STIM1: variants seen among roughly 807,000 people sequenced by gnomAD.
STIM1 encodes stromal interaction molecule 1.
A neutral mutation model predicts 74.7 loss-of-function variants in STIM1; 25 were observed. The observed-to-expected ratio is 0.33, with a 90% confidence interval of 0.24 to 0.47. The LOEUF (loss-of-function observed/expected upper bound fraction) is 0.47. STIM1 is among the 20% of genes least tolerant of loss of function. The pLI, the probability that STIM1 is intolerant of heterozygous loss-of-function variation, is 1.00. For missense variants in STIM1, 728 were observed against 920.8 expected (o/e 0.79, Z 2.71); for synonymous variants, 328 against 348.8 (o/e 0.94, Z 0.66).
At chr11:4,057,458 G>A (rs2094298739) in intron 4 of STIM1, among the ~76,000 whole-genome samples, 1 of 152,160 alleles carries the variant, frequency 6.6e-6, no homozygotes, top group African/African-American at 2.4e-5. Context: ...CCCATCACTA[G>A]CTCACATGGT....
intron 1 of STIM1, among the ~76,000 whole-genome samples, chr11:3,954,885 G>C (rs764162633): frequency 2.6e-5 from 4 of 152,178 alleles, no homozygotes; most frequent in Non-Finnish European, 5.9e-5. Context: ...AAATGCATCA[G>C]TTCCACCCTA....
Position 4,083,018 on chromosome 11 carries a change from A to G in STIM1, c.1238+36A>G, listed in dbSNP as rs756033597. 1.1e-5 allele frequency: 17 copies of G among 1,573,506 alleles called. 1 individual carries two copies. The Admixed American group carries it at 1.7e-4, about 15-fold the overall frequency. On this transcript the variant is annotated intron_variant, in intron 9 of 12. Coordinates refer to ENST00000526596, the MANE Select transcript of STIM1 (RefSeq NM_001382567.1). ...CCAGTTATCTACTCTGGCAATGTCC[A>G]TATCATCCTCAGAATTTGAGGGCAT...
chr11:3,969,650 A>C (rs956298946), intron 2 of STIM1, among the ~76,000 whole-genome samples: 2 of 152,236 alleles, frequency 1.3e-5, no homozygotes, highest in African/African-American at 4.8e-5. Context: ...GGTTGGGCTT[A>C]CTGAGTAGTG....
intron 1 of STIM1, among the ~76,000 whole-genome samples, chr11:3,941,173 A>G (rs1179630537): frequency 3.3e-5 from 5 of 152,232 alleles, no homozygotes; most frequent in African/African-American, 7.2e-5. Context: ...AACTTTTACA[A>G]AAGAGTACAT....
chr11:4,016,875 C>G (rs2093903225), intron 2 of STIM1, among the ~76,000 whole-genome samples: 1 of 152,236 alleles, frequency 6.6e-6, no homozygotes, highest in African/African-American at 2.4e-5. Flanking sequence ...ACCCGCCGAG[C>G]CAGGCACAGG....
At chr11:3,907,777 C>G (rs910706036) in intron 1 of STIM1, among the ~76,000 whole-genome samples, 8 of 152,328 alleles carry the variant, frequency 5.3e-5, no homozygotes, top group African/African-American at 1.9e-4. Flanking sequence ...CTCATTTCCT[C>G]TCCACCTGCT....
At position 3,956,823 on chromosome 11, in the gene STIM1, C is replaced by CAAAAAAAAAAA. The variant is rs78285130; in HGVS notation, c.140-10711_140-10701dup. ...GGGTGACAGAGCAAGACCCTGTCTC[C>CAAAAAAAAAAA]AAAAAAAAAAAAAAAAAAAAAAAAA... On this transcript the variant is annotated intron_variant, in intron 1 of 12. Transcript: ENST00000526596. Among the ~76,000 whole-genome samples the CAAAAAAAAAAA allele has an allele frequency of 9.2e-4, 35 of 38,194 alleles. 4 individuals carry two copies. The highest frequency in any genetic ancestry group is 2.5e-3 in the East Asian group (3 of 1,210). 25.1% of individuals were successfully genotyped at this position (38,194 alleles called of 152,430 possible).
At chr11:3,969,388 T>C (rs866260957) in intron 2 of STIM1, among the ~76,000 whole-genome samples, 6 of 151,952 alleles carry the variant, frequency 3.9e-5, no homozygotes, top group South Asian at 2.1e-4. Flanking sequence ...AGGCTGAGGC[T>C]GGAGGATCAC....
intron 1 of STIM1, among the ~76,000 whole-genome samples, chr11:3,868,785 TG>T (rs752765022): frequency 3.9e-5 from 6 of 152,218 alleles, no homozygotes; most frequent in Non-Finnish European, 7.4e-5. Flanking sequence ...ATTTAAGCCT[TG>T]GGGTAGGGGC....
chr11:4,005,776 C>T (rs1321506467), intron 2 of STIM1, among the ~76,000 whole-genome samples: 2 of 151,874 alleles, frequency 1.3e-5, no homozygotes, highest in African/African-American at 4.8e-5. Flanking sequence ...GGTAGATAGA[C>T]TGACAGAAAA....
chr11:3,898,787 G>T (rs1157643787), intron 1 of STIM1, among the ~76,000 whole-genome samples: 1 of 149,078 alleles, frequency 6.7e-6, no homozygotes, highest in Non-Finnish European at 1.5e-5. Context: ...TTTCCCCATT[G>T]CTTGTTTTTC....
chr11:4,061,890 C>T (rs1327369879), intron 5 of STIM1, among the ~76,000 whole-genome samples: 2 of 152,058 alleles, frequency 1.3e-5, no homozygotes, highest in South Asian at 2.1e-4. Context: ...CACAAAAGAT[C>T]ACATATTATA....
intron 2 of STIM1, among the ~76,000 whole-genome samples, chr11:4,006,377 C>T (rs530114100): frequency 6.6e-6 from 1 of 152,258 alleles, no homozygotes; most frequent in Middle Eastern, 3.4e-3. Context: ...AACCTCTTTT[C>T]TTATAAATTA....
intron 1 of STIM1, among the ~76,000 whole-genome samples, chr11:3,932,474 A>ATAAC (rs1358795702): frequency 2.6e-5 from 4 of 152,058 alleles, no homozygotes; most frequent in African/African-American, 9.7e-5. Context: ...CATCAGGGTT[A>ATAAC]ACAGAGTGAA....
chr11:4,047,067 A>G (rs2094199105), intron 3 of STIM1, among the ~76,000 whole-genome samples: 1 of 152,062 alleles, frequency 6.6e-6, no homozygotes, highest in Non-Finnish European at 1.5e-5. Context: ...CATTTCTGGA[A>G]CCCCTCATTT....
chr11:4,051,754 C>T (rs2094244184), intron 3 of STIM1, among the ~76,000 whole-genome samples: 1 of 151,884 alleles, frequency 6.6e-6, no homozygotes, highest in African/African-American at 2.4e-5. Context: ...TCAAGTGATC[C>T]TCCCACCTCA....
chr11:3,999,692 C>T (rs900148964), intron 2 of STIM1: 7 of 155,710 alleles, frequency 4.5e-5, no homozygotes, highest in Non-Finnish European at 8.4e-5. Context: ...TTTGAGGTAC[C>T]GGGTTCATCT....
At chr11:3,913,045 TGA>T (rs2092590256) in intron 1 of STIM1, among the ~76,000 whole-genome samples, 1 of 152,232 alleles carries the variant, frequency 6.6e-6, no homozygotes, top group African/African-American at 2.4e-5. Context: ...CACTCTCATT[TGA>T]GACTGCTCAC....
chr11:3,994,088 A>G (rs537734481), intron 2 of STIM1, among the ~76,000 whole-genome samples: 48 of 152,248 alleles, frequency 3.2e-4, no homozygotes, highest in African/African-American at 1.1e-3. Flanking sequence ...GTGTTTGTTT[A>G]TCTGGAAATG....
Sources: gnomAD v4.1 joint callset for allele counts (sites outside exome capture counted in the v4.1 genomes callset) on GRCh38, gnomAD v4.1.1 for gene constraint, MANE v1.5 for transcripts, NCBI Gene and HGNC (gene_info 2026-07-23, HGNC 2026-07-21) for gene names.